Variants in DNM3 observed in about 807,000 individuals in gnomAD.
DNM3 encodes the protein dynamin-3.
In DNM3, 47 loss-of-function variants were observed where a neutral mutation model predicts 101.6. That is an observed-to-expected ratio of 0.46 (90% CI 0.37 to 0.59). The LOEUF is 0.59. Ranked by LOEUF, DNM3 falls within the 20% of genes least tolerant of loss-of-function variation. The probability of loss-of-function intolerance (pLI) is 0.00; values close to 1 mark genes in which losing one functional copy is unlikely to be tolerated. For synonymous variants in DNM3, 385 were observed against 387.9 expected (o/e 0.99, Z 0.09); for missense variants, 849 against 1,085.7 (o/e 0.78, Z 3.06).
chr1:172,377,043 T>C (rs2068637464), intron 17 of DNM3, among the ~76,000 whole-genome samples: 1 of 152,168 alleles, frequency 6.6e-6, no homozygotes, highest in South Asian at 2.1e-4. Flanking sequence ...TCGAGGTGAA[T>C]GTAACAAGTT....
intron 4 of DNM3, among the ~76,000 whole-genome samples, chr1:172,024,916 A>G (rs1045676184): frequency 1.3e-5 from 2 of 152,084 alleles, no homozygotes; most frequent in African/African-American, 4.8e-5. Context: ...GTTTTTTTTC[A>G]TACCCCAGTG....
intron 6 of DNM3, among the ~76,000 whole-genome samples, chr1:172,035,763 G>A (rs973606380): frequency 6.6e-6 from 1 of 152,126 alleles, no homozygotes; most frequent in Admixed American, 6.6e-5. Context: ...CGGGAATGCT[G>A]TCCTCTCAGC....
At chr1:172,317,133 T>G (rs1457514665) in intron 16 of DNM3, among the ~76,000 whole-genome samples, 2 of 151,528 alleles carry the variant, frequency 1.3e-5, no homozygotes, top group African/African-American at 2.4e-5. Flanking sequence ...TGCTCCTGAA[T>G]GACTACTGGG....
intron 1 of DNM3, among the ~76,000 whole-genome samples, chr1:171,860,736 G>T: frequency 6.6e-6 from 1 of 151,144 alleles, no homozygotes; most frequent in African/African-American, 2.4e-5. Context: ...CAGTGGAAAT[G>T]GAAAGAAGTA....
chr1:172,361,680 C>G (rs946897713), intron 17 of DNM3, among the ~76,000 whole-genome samples: 1 of 152,062 alleles, frequency 6.6e-6, no homozygotes, highest in African/African-American at 2.4e-5. Flanking sequence ...CTTGACCTGA[C>G]AAGTAGTGTT....
intron 16 of DNM3, 122 bp downstream of exon 16, chr1:172,308,961 T>G (rs1485159307): frequency 8.2e-6 from 4 of 484,876 alleles, no homozygotes; most frequent in Non-Finnish European, 1.4e-5. Flanking sequence ...TAGTTACACT[T>G]TTAGCTGATA....
At chr1:171,927,055 G>T (rs1053120288) in intron 2 of DNM3, among the ~76,000 whole-genome samples, 38 of 151,994 alleles carry the variant, frequency 2.5e-4, no homozygotes, top group African/African-American at 8.9e-4. Context: ...CAGGACAGCT[G>T]GGGAAAGAAA....
At chr1:171,914,159 T>A (rs1227086117) in intron 1 of DNM3, among the ~76,000 whole-genome samples, 3 of 152,024 alleles carry the variant, frequency 2.0e-5, no homozygotes, top group Non-Finnish European at 4.4e-5. Flanking sequence ...GTTTTTGTTT[T>A]TGTTTTGTTT....
chr1:172,132,936 T>G (rs1441974305), intron 14 of DNM3: 2 of 1,412,374 alleles, frequency 1.4e-6, no homozygotes, highest in Admixed American at 3.9e-5. Context: ...GTCACACAGC[T>G]AGTTGGTGGC....
At chr1:172,142,774 A>G (rs540374503) in intron 14 of DNM3, among the ~76,000 whole-genome samples, 16 of 151,292 alleles carry the variant, frequency 1.1e-4, no homozygotes, top group Non-Finnish European at 1.9e-4. Flanking sequence ...TGAGAAAAAC[A>G]TTACCAAAGT....
In DNM3 at chr1:172,048,654, C is replaced by T. The variant is rs2049987736; in HGVS notation, c.1239C>T (p.Val413=). ...FTPDMAFEAI[V]KKQIVKLKGP... is the part of the protein sequence containing the mutation. ...CAGACATGGCATTTGAAGCGATAGT[C>T]AAGAAACAGATTGTAAAGTTGAAAG... The change falls in exon 10 of 21, where the codon GTC becomes GTT. Residue 413 remains valine (V), a synonymous_variant. Transcript: ENST00000627582. 1.2e-6 allele frequency: 2 copies of T among 1,613,388 alleles called. No homozygotes were observed. Among genetic ancestry groups the T allele is most frequent in the African/African-American group, 2.7e-5 (2 of 74,888 alleles).
rs2058448775 is a variant in DNM3 at position 172,159,013 on chromosome 1, AT to A, written c.1659+27726del. Among the ~76,000 whole-genome samples the A allele has an allele frequency of 2.0e-5, 3 of 152,046 alleles. No homozygotes were observed. In the East Asian group the frequency reaches 5.8e-4, roughly 29 times the overall value. ...CCTAAGCGTTGTTTTGCTTGCTGCT[AT>A]GTATGTATGATCACATACTCACAAA... On this transcript the variant is annotated intron_variant, in intron 14 of 20. Transcript: ENST00000627582.
chr1:172,316,972 T>A (rs1236093196), intron 16 of DNM3, among the ~76,000 whole-genome samples: 1 of 152,154 alleles, frequency 6.6e-6, no homozygotes, highest in Admixed American at 6.5e-5. Context: ...ATTCCAAAAT[T>A]GACCACATAC....
chr1:172,261,759 G>A (rs559258356), intron 15 of DNM3, among the ~76,000 whole-genome samples: 2 of 152,324 alleles, frequency 1.3e-5, no homozygotes, highest in Admixed American at 6.5e-5. Context: ...ACTTTCAGGT[G>A]GTGTGTATGG....
At chr1:172,098,266 C>T (rs959913159) in intron 13 of DNM3, among the ~76,000 whole-genome samples, 13 of 152,158 alleles carry the variant, frequency 8.5e-5, no homozygotes, top group African/African-American at 3.1e-4. Context: ...GAGGCCTACC[C>T]TCAGGGACGC....
intron 10 of DNM3, among the ~76,000 whole-genome samples, chr1:172,066,975 T>TG: frequency 6.6e-6 from 1 of 150,696 alleles, no homozygotes; most frequent in African/African-American, 2.4e-5. Context: ...TGTGTGTGTG[T>TG]TTGTGTGTGT....
At chr1:172,093,633 TAAC>T in intron 13 of DNM3, 1 of 1,456,692 alleles carries the variant, frequency 6.9e-7, no homozygotes, top group Non-Finnish European at 9.3e-7. Flanking sequence ...GAAGAGGTAA[TAAC>T]AGACTTTATT....
chr1:172,075,137 C>T (rs189297751), intron 11 of DNM3, among the ~76,000 whole-genome samples: 10 of 150,568 alleles, frequency 6.6e-5, no homozygotes, highest in Admixed American at 6.0e-4. Context: ...AGTGTCTGTT[C>T]ATATCCTTTG....
At chr1:172,351,162 T>A (rs1210185660) in intron 17 of DNM3, among the ~76,000 whole-genome samples, 1 of 152,160 alleles carries the variant, frequency 6.6e-6, no homozygotes, top group Non-Finnish European at 1.5e-5. Context: ...ATTCTCTTGG[T>A]TTCTGAGACT....
Sources: allele counts gnomAD v4.1 joint callset (sites outside exome capture counted in the v4.1 genomes callset), GRCh38; gene constraint gnomAD v4.1.1; transcripts MANE v1.5; gene names NCBI Gene and HGNC (gene_info 2026-07-23, HGNC 2026-07-21).